CGREF1: variants seen among roughly 807,000 people sequenced by gnomAD.
CGREF1 encodes cell growth regulator with EF-hand domain 1.
In CGREF1, 16 loss-of-function variants were observed where a neutral mutation model predicts 17.4. That is an observed-to-expected ratio of 0.92 (90% CI 0.62 to 1.40). The LOEUF (loss-of-function observed/expected upper bound fraction) is 1.40, where lower values mean the gene tolerates loss of function less well. Among genes scored for constraint, CGREF1 ranks in the 40% most tolerant of loss-of-function variants. CGREF1 has a pLI of 0.00. For missense variants in CGREF1, 296 were observed against 376.4 expected, an observed-to-expected ratio of 0.79 and a Z score of 1.77; for synonymous variants, 142 against 154.6, an observed-to-expected ratio of 0.92 and a Z score of 0.61.
chr2:27,108,440 A>G (rs1328158892), intron 1 of CGREF1, among the ~76,000 whole-genome samples: 1 of 152,206 alleles, frequency 6.6e-6, no homozygotes, highest in Non-Finnish European at 1.5e-5. Flanking sequence ...GATGGAGAAG[A>G]TAAGAGATAC....
Position 27,100,995 on chromosome 2 carries a change from G to A in CGREF1, c.*279C>T. 8.1e-7 allele frequency: 1 copy of A among 1,241,648 alleles called. No homozygotes were observed. Among genetic ancestry groups the A allele is most frequent in the Non-Finnish European group, 1.0e-6 (1 of 992,234 alleles). 76.9% of individuals were successfully genotyped at this position (1,241,648 alleles called of 1,614,324 possible). On this transcript the variant is annotated 3_prime_UTR_variant, in exon 6 of 6. Transcript: ENST00000402394. ...GAGGCCCAGAAACACTGGGCAGGCGGCATCCCTGTCCTTTCGGTCCCCAAC... is the reference window on the plus strand; with the variant it reads ...GAGGCCCAGAAACACTGGGCAGGCGACATCCCTGTCCTTTCGGTCCCCAAC...
Position 27,101,245 on chromosome 2 carries a change from A to C in CGREF1, c.*29T>G. 6.6e-7 allele frequency: 1 copy of C among 1,523,926 alleles called. No homozygotes were observed. The highest frequency in any genetic ancestry group is 8.8e-7 in the Non-Finnish European group (1 of 1,136,340). 94.4% of individuals were successfully genotyped at this position (1,523,926 alleles called of 1,614,324 possible). ...TCAGGGCTTATGTTCTGGCACTGAG[A>C]CTTCGTGGGGTACCTGTATCTTCAA... On this transcript the variant is annotated 3_prime_UTR_variant, in exon 6 of 6. Transcript: ENST00000402394.
At chr2:27,117,705 A>ATTTTTTTTT (rs35908937) in intron 1 of CGREF1, among the ~76,000 whole-genome samples, 2 of 123,180 alleles carry the variant, frequency 1.6e-5, no homozygotes, top group Non-Finnish European at 3.3e-5. Flanking sequence ...TGGGATCTGA[A>ATTTTTTTTT]TTTTTTTTTT....
At chr2:27,110,604 C>A (rs1671332308) in intron 1 of CGREF1, 1 of 151,792 alleles carries the variant, frequency 6.6e-6, no homozygotes, top group South Asian at 2.1e-4. Context: ...AAACAAAAGC[C>A]TAGTAAAACA....
Position 27,100,958 on chromosome 2 carries a change from C to G in CGREF1, c.*316G>C. 8.7e-7 allele frequency: 1 copy of G among 1,151,992 alleles called. No homozygotes were observed. Among genetic ancestry groups the G allele is most frequent in the African/African-American group, 1.6e-5 (1 of 62,464 alleles). The allele number at this position is 1,151,992 out of a possible 1,614,324, so 71.4% of individuals were successfully genotyped here. ...ATGGCTAGCACCATGCGCTCTGCTG[C>G]CGGAGCACCGTGAGGCCCAGAAACA... On this transcript the variant is annotated 3_prime_UTR_variant, in exon 6 of 6. Coordinates refer to ENST00000402394, the MANE Select transcript of CGREF1 (RefSeq NM_006569.6).
chr2:27,102,616 C>T (rs774737711), intron 2 of CGREF1, 25 bp from the exon 3 acceptor site: 1 of 1,599,520 alleles, frequency 6.3e-7, no homozygotes, highest in East Asian at 2.2e-5. Flanking sequence ...GGAGGACCAG[C>T]CTTGCAGAGA....
chr2:27,103,465 C>T (rs555355211), intron 2 of CGREF1, among the ~76,000 whole-genome samples: 20 of 152,092 alleles, frequency 1.3e-4, no homozygotes, highest in East Asian at 1.2e-3. Context: ...TTCCACCTCC[C>T]GGGTTCAAGC....
At chr2:27,108,605 C>T (rs939218182) in intron 1 of CGREF1, among the ~76,000 whole-genome samples, 3 of 151,686 alleles carry the variant, frequency 2.0e-5, no homozygotes, top group African/African-American at 7.3e-5. Flanking sequence ...AAATAGAACA[C>T]TCAAGAAAAA....
chr2:27,116,092 G>A (rs1471224344), intron 1 of CGREF1, among the ~76,000 whole-genome samples: 1 of 151,652 alleles, frequency 6.6e-6, no homozygotes, highest in Non-Finnish European at 1.5e-5. Context: ...AGACAGCATG[G>A]TGGCTCAAAT....
chr2:27,102,856 T>C (rs1670959023), intron 2 of CGREF1: 1 of 874,688 alleles, frequency 1.1e-6, no homozygotes, highest in African/African-American at 1.8e-5. Context: ...AGAGGCCAGA[T>C]GAGGCCACAC....
chr2:27,111,370 C>T (rs377609009), intron 1 of CGREF1, among the ~76,000 whole-genome samples: 2 of 152,240 alleles, frequency 1.3e-5, no homozygotes, highest in African/African-American at 4.8e-5. Context: ...TACAGAGTGC[C>T]AACTGGCGTA....
At chr2:27,111,746 C>G (rs1572902217) in intron 1 of CGREF1, among the ~76,000 whole-genome samples, 1 of 149,850 alleles carries the variant, frequency 6.7e-6, no homozygotes, top group South Asian at 2.1e-4. Context: ...CCGGCGGGGC[C>G]GGCCGGCAGC....
chr2:27,104,485 G>A (rs2148384577), intron 1 of CGREF1, 108 bp from the exon 2 acceptor site: 1 of 1,553,156 alleles, frequency 6.4e-7, no homozygotes, highest in Middle Eastern at 1.7e-4. Flanking sequence ...TCTACCTGCA[G>A]CCCCAAAGAC....
intron 1 of CGREF1, among the ~76,000 whole-genome samples, chr2:27,104,959 GC>G (rs1671060953): frequency 6.6e-6 from 1 of 152,214 alleles, no homozygotes. Context: ...ACCAACAGTG[GC>G]CCCAGGAATT....
intron 1 of CGREF1, chr2:27,118,627 G>A (rs1232799438): frequency 6.6e-6 from 1 of 152,516 alleles, no homozygotes; most frequent in Admixed American, 6.5e-5. Flanking sequence ...TCACACCAAG[G>A]AGCCTCAGGC....
At chr2:27,099,514 G>A (rs755955022), downstream of CGREF1, 27 of 1,614,066 alleles carry the variant, frequency 1.7e-5, no homozygotes, top group East Asian at 1.8e-4. Flanking sequence ...GCCACCCCGC[G>A]TGGTGGATAC....
chr2:27,099,560 T>G, downstream of CGREF1: 1 of 1,614,114 alleles, frequency 6.2e-7, no homozygotes, highest in Non-Finnish European at 8.5e-7. Context: ...GCCTCCGTCA[T>G]CTTCAGCCTC....
rs1670926627 is a variant in CGREF1 at position 27,102,401 on chromosome 2, C to T, written c.176G>A (p.Gly59Glu). The change falls in exon 4 of 6, where the codon GGA becomes GAA. Residue 59 changes from glycine (G) to glutamate (E), a missense_variant. Physicochemically the swap from Gly to Glu is moderately conservative, Grantham distance 98. This residue lies in a region of CGREF1 where 247 missense variants were observed against 267.2 expected (regional missense o/e 0.92). Coordinates refer to ENST00000402394, the MANE Select transcript of CGREF1 (RefSeq NM_006569.6). The stretch of plus-strand genomic sequence containing the variant: ...ATGCTCCAGTTGCACTTCTGTCCTT[C>T]CTAGTCCCTTTAGGTAGCTCTGCAG... ...GLLQSYLKGL[G>E]RTEVQLEHLS... 1 of 1,614,086 alleles carries T rather than the reference C, an allele frequency of 6.2e-7. No individual in the cohort carries two copies. Among genetic ancestry groups the T allele is most frequent in the East Asian group, 2.2e-5 (1 of 44,900 alleles).
intron 1 of CGREF1, among the ~76,000 whole-genome samples, chr2:27,107,397 G>C (rs1024500471): frequency 6.6e-6 from 1 of 152,006 alleles, no homozygotes; most frequent in East Asian, 1.9e-4. Flanking sequence ...TGGGATTACA[G>C]GCATGTGCCA....
Sources: allele counts gnomAD v4.1 joint callset (sites outside exome capture counted in the v4.1 genomes callset), GRCh38; gene constraint gnomAD v4.1.1; regional missense constraint gnomAD v4.1.1; transcripts MANE v1.5; gene names NCBI Gene and HGNC (gene_info 2026-07-23, HGNC 2026-07-21).